Variants in ANKRD27 observed in about 807,000 individuals in gnomAD.
ANKRD27 encodes ankyrin repeat domain-containing protein 27.
In ANKRD27, 112 loss-of-function variants were observed where a neutral mutation model predicts 129.7. The observed-to-expected ratio is 0.86, with a 90% CI of 0.74 to 1.01. The LOEUF is 1.01. ANKRD27 is among the 50% of genes least tolerant of loss of function. The pLI is 0.00. For missense variants in ANKRD27, 1,258 were observed against 1,300.5 expected (o/e 0.97, Z 0.50); for synonymous variants, 516 against 511.2 (o/e 1.01, Z -0.13).
chr19:32,624,007 C>A (rs1351113035), intron 17 of ANKRD27, among the ~76,000 whole-genome samples: 3 of 152,198 alleles, frequency 2.0e-5, no homozygotes, highest in African/African-American at 7.2e-5. Context: ...CAGCAAATCA[C>A]TGAGCCCAGG....
intron 1 of ANKRD27, among the ~76,000 whole-genome samples, chr19:32,666,748 A>C (rs1204928712): frequency 6.7e-6 from 1 of 148,610 alleles, no homozygotes; most frequent in Non-Finnish European, 1.5e-5. Flanking sequence ...TGATCAAGTA[A>C]TTCTCCTGCT....
chr19:32,601,611 C>CAA (rs386388881), intron 26 of ANKRD27, among the ~76,000 whole-genome samples: 11,358 of 64,738 alleles, frequency 0.18, 759 homozygotes, highest in Middle Eastern at 0.26. Context: ...GACTCTGTCT[C>CAA]AAAAAAAAAA....
Position 32,658,982 on chromosome 19 carries a change from G to A in ANKRD27, c.34C>T (p.Pro12Ser). The A allele has an allele frequency of 2.5e-6, 4 of 1,614,036 alleles. No homozygotes were observed. Among genetic ancestry groups the A allele is most frequent in the East Asian group, 2.2e-5 (1 of 44,866 alleles). The change falls in exon 2 of 29, where the codon CCT becomes TCT. Residue 12 changes from proline to serine, a missense_variant. Physicochemically the swap from Pro to Ser is moderately conservative, Grantham distance 74 (BLOSUM62 -1). Transcript: ENST00000306065. ...ALYDEDLLKNPFYLALQKCRP... is the reference protein window; with the variant it reads ...ALYDEDLLKNSFYLALQKCRP... ...CACTTTTGCAGAGCCAGATAGAAAG[G>A]ATTTTTCAGGAGGTCTTCATCATAC...
At chr19:32,609,294 C>T (rs1259636481) in intron 22 of ANKRD27, among the ~76,000 whole-genome samples, 4 of 149,566 alleles carry the variant, frequency 2.7e-5, no homozygotes, top group Non-Finnish European at 4.4e-5. Flanking sequence ...TACCCAACAA[C>T]GTATATATCC....
intron 1 of ANKRD27, among the ~76,000 whole-genome samples, chr19:32,665,912 G>A (rs1398328732): frequency 6.6e-6 from 1 of 151,464 alleles, no homozygotes; most frequent in Non-Finnish European, 1.5e-5. Flanking sequence ...CAGACTACAC[G>A]CCACAACACC....
chr19:32,636,723 CTA>C (rs1274610525), intron 12 of ANKRD27, among the ~76,000 whole-genome samples: 4 of 143,248 alleles, frequency 2.8e-5, no homozygotes, highest in Non-Finnish European at 3.1e-5. Flanking sequence ...CTCTCTCTCT[CTA>C]TATATATATA....
intron 1 of ANKRD27, among the ~76,000 whole-genome samples, chr19:32,667,184 G>A (rs1046272516): frequency 4.6e-5 from 7 of 152,228 alleles, no homozygotes; most frequent in African/African-American, 1.2e-4. Context: ...GCAGCTCTGT[G>A]CAAGGGCACT....
rs1017929684 is a variant in ANKRD27 at position 32,607,722 on chromosome 19, G to A, written c.2286C>T (p.Leu762=). 1.2e-6 allele frequency: 2 copies of A among 1,613,082 alleles called. No individual in the cohort carries two copies. The highest frequency in any genetic ancestry group is 1.7e-6 in the Non-Finnish European group (2 of 1,179,738). ...CTGCGTTGGCCCCGTGCTTCAGCAG[G>A]AGGGGGATGAGGTCCGCCCGGCCGT... ...ALHGRADLIP[L]LLKHGANAGA... is the part of the protein sequence containing the mutation. Residue 762 remains leucine, a synonymous_variant, in exon 23 of 29, where the codon CTC becomes CTT. Coordinates refer to ENST00000306065, the MANE Select transcript of ANKRD27 (RefSeq NM_032139.3).
chr19:32,650,563 T>C (rs1398393031), intron 2 of ANKRD27, among the ~76,000 whole-genome samples: 1 of 151,898 alleles, frequency 6.6e-6, no homozygotes, highest in Non-Finnish European at 1.5e-5. Context: ...GGCATGTGCC[T>C]GTAATCCCAG....
rs1356962029 is a variant in ANKRD27 at position 32,597,955 on chromosome 19, G to T, written c.*190C>A. 4 of 600,434 alleles carry T rather than the reference G, an allele frequency of 6.7e-6. No individual in the cohort carries two copies. The highest frequency in any genetic ancestry group is 1.2e-5 in the Non-Finnish European group (4 of 337,070). The allele number at this position is 600,434 out of a possible 1,614,324, so 37.2% of individuals were successfully genotyped here. ...TTGTATTCATTAGCTTTGAAGAGGA[G>T]AGAGATGGTGGTGGTTAACTTTTTT... On this transcript the variant is annotated 3_prime_UTR_variant, in exon 29 of 29. Coordinates refer to ENST00000306065, the MANE Select transcript of ANKRD27 (RefSeq NM_032139.3).
chr19:32,629,836 C>G (rs1037839284), intron 13 of ANKRD27, among the ~76,000 whole-genome samples: 1 of 135,208 alleles, frequency 7.4e-6, no homozygotes, highest in African/African-American at 2.9e-5. Flanking sequence ...CCCTGTTCCT[C>G]TTGTGTTCTT....
chr19:32,656,016 T>C (rs995729405), intron 2 of ANKRD27, among the ~76,000 whole-genome samples: 5 of 107,730 alleles, frequency 4.6e-5, no homozygotes, highest in African/African-American at 1.9e-4. Context: ...AGACTCTGTT[T>C]CAAAAAAAAA....
intron 23 of ANKRD27, among the ~76,000 whole-genome samples, chr19:32,606,214 G>T (rs772859914): frequency 6.8e-6 from 1 of 146,244 alleles, no homozygotes; most frequent in Non-Finnish European, 1.5e-5. Flanking sequence ...GTGCAGTGGC[G>T]TGATCTTGGC....
intron 4 of ANKRD27, among the ~76,000 whole-genome samples, chr19:32,645,003 G>A (rs981433281): frequency 2.6e-5 from 4 of 152,128 alleles, no homozygotes; most frequent in Non-Finnish European, 2.9e-5. Flanking sequence ...CAGCAGCCCC[G>A]ATCCACACCT....
intron 20 of ANKRD27, among the ~76,000 whole-genome samples, chr19:32,618,173 G>C: frequency 6.6e-6 from 1 of 151,816 alleles, no homozygotes; most frequent in East Asian, 1.9e-4. Flanking sequence ...AACTTTATCA[G>C]TGGAATTGTA....
intron 3 of ANKRD27, 115 bp downstream of exon 3, chr19:32,649,567 G>T: frequency 1.3e-6 from 1 of 773,582 alleles, no homozygotes; most frequent in Non-Finnish European, 2.3e-6. Context: ...TGCAGTGTGT[G>T]TCAAATGCCA....
At chr19:32,643,045 A>G in intron 9 of ANKRD27, 78 bp downstream of exon 9, 1 of 1,428,612 alleles carries the variant, frequency 7.0e-7, no homozygotes, top group East Asian at 2.3e-5. Context: ...CACCTCTGCC[A>G]CCGAGAGGGC....
intron 1 of ANKRD27, among the ~76,000 whole-genome samples, chr19:32,663,931 C>G (rs1451291778): frequency 6.7e-6 from 1 of 149,834 alleles, no homozygotes; most frequent in African/African-American, 2.4e-5. Context: ...TGGCGGGCGC[C>G]TGTAGTCCCA....
chr19:32,599,872 G>A lies in ANKRD27; in HGVS notation c.2847-96C>T, dbSNP rs1000106762. 15 of 1,510,362 alleles carry A rather than the reference G, an allele frequency of 9.9e-6. No homozygotes were observed. In the African/African-American group the frequency reaches 2.1e-4, roughly 21 times the overall value. The allele number at this position is 1,510,362 out of a possible 1,614,324, so 93.6% of individuals were successfully genotyped here. A position where few individuals can be genotyped will look rare whatever the true frequency, so the allele number is the denominator to read the frequency against. ...GGCAGCATTTTTGACATTAGTAGGT[G>A]CAGATTTGTCCATAACCAATTACAA... On this transcript the variant is annotated intron_variant, in intron 27 of 28. Coordinates refer to ENST00000306065, the MANE Select transcript of ANKRD27 (RefSeq NM_032139.3).
Sources: gnomAD v4.1 joint callset for allele counts (sites outside exome capture counted in the v4.1 genomes callset) on GRCh38, gnomAD v4.1.1 for gene constraint, MANE v1.5 for transcripts, NCBI Gene and HGNC (gene_info 2026-07-23, HGNC 2026-07-21) for gene names.